The following FRRS1 variants were observed in gnomAD, a reference collection of about 807,000 sequenced individuals.
FRRS1 encodes ferric reductase 1.
In FRRS1, 51 loss-of-function variants were observed where a neutral mutation model predicts 70.7. The ratio of observed to expected loss-of-function variants is 0.72; its 90% CI spans 0.58 to 0.91. The LOEUF is 0.91. FRRS1 is among the 40% of genes least tolerant of loss of function. The pLI, the probability that FRRS1 is intolerant of heterozygous loss-of-function variation, is 0.00. For synonymous variants in FRRS1, 225 were observed against 238.7 expected, an observed-to-expected ratio of 0.94 and a Z score of 0.53; for missense variants, 672 against 726.0, an observed-to-expected ratio of 0.93 and a Z score of 0.86.
At position 99,706,896 on chromosome 1, in the gene FRRS1, A is replaced by G. The variant is rs1424888968; in HGVS notation, c.*2132T>C. The stretch of plus-strand genomic sequence containing the variant: ...AACAGAGTGAGACTTTGTCACAAAA[A>G]AAAAAAAGAGAGAATTTTTCTTTGT... On this transcript the variant is annotated 3_prime_UTR_variant, in exon 17 of 17. Transcript: ENST00000646001. Among the ~76,000 whole-genome samples, 1 of 152,112 alleles carries G rather than the reference A, an allele frequency of 6.6e-6. No individual in the cohort carries two copies.
chr1:99,715,134 A>C (rs1654456576), intron 12 of FRRS1, among the ~76,000 whole-genome samples: 1 of 152,130 alleles, frequency 6.6e-6, no homozygotes, highest in Non-Finnish European at 1.5e-5. Flanking sequence ...TGGGATGACA[A>C]GTGTGAACCA....
At chr1:99,759,018 T>C (rs1016125903) in intron 1 of FRRS1, among the ~76,000 whole-genome samples, 1 of 152,186 alleles carries the variant, frequency 6.6e-6, no homozygotes, top group Non-Finnish European at 1.5e-5. Context: ...AACCCTGTTT[T>C]CTGTTGTTTA....
intron 7 of FRRS1, among the ~76,000 whole-genome samples, chr1:99,737,618 T>C (rs1655734349): frequency 6.6e-6 from 1 of 152,228 alleles, no homozygotes; most frequent in South Asian, 2.1e-4. Flanking sequence ...TGCCCAACTG[T>C]TAAAATCATA....
At chr1:99,736,133 C>T (rs1192381092) in intron 7 of FRRS1, among the ~76,000 whole-genome samples, 1 of 152,152 alleles carries the variant, frequency 6.6e-6, no homozygotes, top group Non-Finnish European at 1.5e-5. Flanking sequence ...GCTTTATAGT[C>T]ACATTTTATT....
intron 14 of FRRS1, among the ~76,000 whole-genome samples, chr1:99,711,903 C>T (rs567521547): frequency 1.3e-5 from 2 of 152,280 alleles, no homozygotes; most frequent in South Asian, 4.1e-4. Flanking sequence ...ATTGTAAAGA[C>T]CTTAAACTTA....
intron 9 of FRRS1, among the ~76,000 whole-genome samples, chr1:99,726,052 AT>A (rs1411382267): frequency 2.0e-5 from 3 of 152,118 alleles, no homozygotes; most frequent in African/African-American, 7.2e-5. Flanking sequence ...TGTAATCTCC[AT>A]GTGTTGGAGG....
At chr1:99,744,064 TAA>T (rs112254806) in intron 4 of FRRS1, among the ~76,000 whole-genome samples, 16 of 124,288 alleles carry the variant, frequency 1.3e-4, no homozygotes, top group Non-Finnish European at 9.7e-5. Context: ...AGAACGATTG[TAA>T]AAAAAAAAAA....
At chr1:99,758,663 T>C (rs2788519) in intron 1 of FRRS1, among the ~76,000 whole-genome samples, 75,163 of 151,970 alleles carry the variant, frequency 0.49, 22,607 homozygotes, top group African/African-American at 0.85. Flanking sequence ...ACAGAATAAC[T>C]GATTTTTAGG....
chr1:99,758,401 TG>T (rs1355245019), intron 1 of FRRS1, among the ~76,000 whole-genome samples: 3 of 152,228 alleles, frequency 2.0e-5, no homozygotes, highest in Non-Finnish European at 4.4e-5. Flanking sequence ...GGACACTGAA[TG>T]GAGGGACCAG....
At position 99,708,318 on chromosome 1, in the gene FRRS1, G is replaced by T. The variant is rs1654092025; in HGVS notation, c.*710C>A. 6.6e-6 allele frequency among the ~76,000 whole-genome samples: 1 copy of T among 151,924 alleles called. No homozygotes were observed. On this transcript the variant is annotated 3_prime_UTR_variant, in exon 17 of 17. Coordinates refer to ENST00000646001, the MANE Select transcript of FRRS1 (RefSeq NM_001361041.2). ...TGTAGTTCAAAATATATTTACCATA[G>T]GCTGGGCGTGGTGGCTCACGCCTGT...
intron 9 of FRRS1, among the ~76,000 whole-genome samples, chr1:99,726,309 T>A (rs952528301): frequency 2.6e-5 from 4 of 152,198 alleles, no homozygotes; most frequent in African/African-American, 9.7e-5. Context: ...GTGAATCAAT[T>A]AAATCTATTT....
rs983982922 is a variant in FRRS1, at chr1:99,708,717, CTATT to C, written c.*307_*310del. ...ACATCTGTTGTGATTTTCCAAATCA[CTATT>C]TATTTTCTTAAATACCAACATTCTT... On this transcript the variant is annotated 3_prime_UTR_variant, in exon 17 of 17. Coordinates refer to ENST00000646001, the MANE Select transcript of FRRS1 (RefSeq NM_001361041.2). The C allele has an allele frequency of 2.5e-5, 10 of 398,834 alleles. No individual in the cohort carries two copies. Among genetic ancestry groups the C allele is most frequent in the Non-Finnish European group, 3.9e-5 (9 of 228,632 alleles). The allele number at this position is 398,834 out of a possible 1,614,324, so 24.7% of individuals were successfully genotyped here.
chr1:99,717,556 A>T, intron 10 of FRRS1, 31 bp from the exon 11 acceptor site: 3 of 1,415,816 alleles, frequency 2.1e-6, no homozygotes, highest in Non-Finnish European at 3.0e-6. Flanking sequence ...ATAGTAGACA[A>T]TCACAAACGA....
At chr1:99,719,044 T>C (rs138869785) in intron 10 of FRRS1, among the ~76,000 whole-genome samples, 2,262 of 147,556 alleles carry the variant, frequency 0.015, 59 homozygotes, top group African/African-American at 0.056. Flanking sequence ...AACATTAAGA[T>C]AGATGATGCT....
At chr1:99,714,553 G>A (rs1654430947) in intron 12 of FRRS1, among the ~76,000 whole-genome samples, 1 of 152,178 alleles carries the variant, frequency 6.6e-6, no homozygotes, top group South Asian at 2.1e-4. Flanking sequence ...GGGTTGAAGT[G>A]GAGAGACCAG....
In FRRS1 at chr1:99,740,857, G is replaced by A. The variant is rs373011569; in HGVS notation, c.512C>T (p.Thr171Ile). ...AGGTACTACTGTAGCTTTAGGTGTT[G>A]TAAAAGGAAATGCATTTGGTTGTGA... The part of the protein sequence containing the change: ...IISQPNAFPF[T>I]TPKATVVPLP... Residue 171 changes from threonine (T) to isoleucine (I), a missense_variant, in exon 6 of 17, where the codon ACA becomes ATA. Coordinates refer to ENST00000646001, the MANE Select transcript of FRRS1 (RefSeq NM_001361041.2). The A allele has an allele frequency of 2.5e-6, 4 of 1,612,520 alleles. No homozygotes were observed. Among genetic ancestry groups the A allele is most frequent in the Non-Finnish European group, 2.5e-6 (3 of 1,178,536 alleles).
chr1:99,756,541 G>A (rs1656843886), intron 1 of FRRS1, among the ~76,000 whole-genome samples: 1 of 152,114 alleles, frequency 6.6e-6, no homozygotes. Flanking sequence ...AGCAAGTGAT[G>A]TTAATAAAGA....
chr1:99,717,144 C>G (rs1258074197), intron 11 of FRRS1, among the ~76,000 whole-genome samples: 4 of 152,212 alleles, frequency 2.6e-5, no homozygotes, highest in African/African-American at 9.6e-5. Flanking sequence ...ATTTGGGTCC[C>G]AAAGTCTATA....
chr1:99,766,079 G>A (rs922121363), intron 1 of FRRS1, among the ~76,000 whole-genome samples: 2 of 151,978 alleles, frequency 1.3e-5, no homozygotes, highest in Admixed American at 6.6e-5. Flanking sequence ...ACAAAAATAA[G>A]TGCAGTGATA....
Sources: gnomAD v4.1 joint callset for allele counts (sites outside exome capture counted in the v4.1 genomes callset) on GRCh38, gnomAD v4.1.1 for gene constraint, MANE v1.5 for transcripts, NCBI Gene and HGNC (gene_info 2026-07-23, HGNC 2026-07-21) for gene names.